STAC: variants seen among roughly 807,000 people sequenced by gnomAD.
STAC encodes the protein SH3 and cysteine rich domain, also known as SH3 and cysteine-rich domain-containing protein.
Under a neutral mutation model 48.8 loss-of-function variants are expected in STAC, and 43 were observed. That is an observed-to-expected ratio of 0.88 (90% CI 0.69 to 1.14). The LOEUF is 1.14. Ranked by LOEUF, STAC falls within the 50% of genes most tolerant of loss-of-function variation. STAC has a pLI of 0.00. For missense variants in STAC, 497 were observed against 504.0 expected, an observed-to-expected ratio of 0.99 and a Z score of 0.13; for synonymous variants, 193 against 179.5, an observed-to-expected ratio of 1.07 and a Z score of -0.60.
chr3:36,546,363 C>G lies in STAC; in HGVS notation c.*74C>G. On this transcript the variant is annotated 3_prime_UTR_variant, in exon 11 of 11. Transcript: ENST00000273183. ...TCTGCCTCATCTCACACTGCGTCAA[C>G]CCAAAGGAGCTGCCGCACTGACCCA... is the stretch of plus-strand genomic sequence containing the variant. The G allele has an allele frequency of 7.5e-7, 1 of 1,326,552 alleles. No individual in the cohort carries two copies. The highest frequency in any genetic ancestry group is 1.1e-6 in the Non-Finnish European group (1 of 920,350). The allele number at this position is 1,326,552 out of a possible 1,614,324, so 82.2% of individuals were successfully genotyped here.
rs375288106 is a variant in STAC, at chr3:36,517,475, C to A, written c.921-11221C>A. On this transcript the variant is annotated intron_variant, in intron 8 of 10. Transcript: ENST00000273183. ...AACCAGCCTGCGCAACATGGAAAGACACCATCTCCACAAAAATAGAAATAA... is the reference window on the plus strand; with the variant it reads ...AACCAGCCTGCGCAACATGGAAAGAAACCATCTCCACAAAAATAGAAATAA... Among the ~76,000 whole-genome samples the A allele has an allele frequency of 3.3e-5, 5 of 152,220 alleles. No individual in the cohort carries two copies. The South Asian group carries it at 1.0e-3, about 32-fold the overall frequency.
At position 36,505,853 on chromosome 3, in the gene STAC, G is replaced by A; in HGVS notation, c.920+19G>A. The A allele has an allele frequency of 2.0e-6, 3 of 1,523,428 alleles. No homozygotes were observed. Among genetic ancestry groups the A allele is most frequent in the African/African-American group, 1.4e-5 (1 of 71,378 alleles). 94.4% of individuals were successfully genotyped at this position (1,523,428 alleles called of 1,614,324 possible). A position where few individuals can be genotyped will look rare whatever the true frequency, so the allele number is the denominator to read the frequency against. Reference sequence around the variant, plus strand: ...AAATGAGGTAAAAACCTTCTGTAAAGAAAAAAAAGAGTAAAATTTTAAAGT... The same window carrying A: ...AAATGAGGTAAAAACCTTCTGTAAAAAAAAAAAAGAGTAAAATTTTAAAGT... On this transcript the variant is annotated intron_variant, in intron 8 of 10. Coordinates refer to ENST00000273183, the MANE Select transcript of STAC (RefSeq NM_003149.3).
intron 2 of STAC, among the ~76,000 whole-genome samples, chr3:36,460,165 C>T (rs1209866704): frequency 1.3e-5 from 2 of 152,006 alleles, no homozygotes; most frequent in Non-Finnish European, 2.9e-5. Context: ...ATCTCTGCCC[C>T]ATTCTTGCCC....
intron 7 of STAC, 48 bp from the exon 8 acceptor site, chr3:36,505,698 A>G: frequency 7.6e-7 from 1 of 1,316,784 alleles, no homozygotes; most frequent in South Asian, 1.3e-5. Context: ...TCCTCTCTCA[A>G]TTTATTTCAC....
At chr3:36,482,186 C>T (rs936317696) in intron 2 of STAC, among the ~76,000 whole-genome samples, 7 of 152,194 alleles carry the variant, frequency 4.6e-5, no homozygotes, top group Non-Finnish European at 1.5e-5. Flanking sequence ...CCCATTTTAA[C>T]ATCCGTCTTA....
At chr3:36,526,064 C>T (rs1698926551) in intron 8 of STAC, among the ~76,000 whole-genome samples, 1 of 152,132 alleles carries the variant, frequency 6.6e-6, no homozygotes, top group Admixed American at 6.6e-5. Flanking sequence ...TTGGGAATTT[C>T]CTCGCAGACT....
chr3:36,505,930 T>A, intron 8 of STAC, 96 bp downstream of exon 8: 1 of 747,370 alleles, frequency 1.3e-6, no homozygotes, highest in Non-Finnish European at 2.1e-6. Context: ...TCCTAATGCT[T>A]TATAGCTGTG....
chr3:36,449,219 T>C (rs866492231), intron 2 of STAC, among the ~76,000 whole-genome samples: 12 of 152,150 alleles, frequency 7.9e-5, no homozygotes, highest in African/African-American at 2.9e-4. Flanking sequence ...CTTTGGATAT[T>C]CACAGCACAC....
chr3:36,428,995 T>C lies in STAC; in HGVS notation c.112-14369T>C, dbSNP rs141656824. Among the ~76,000 whole-genome samples, 6 of 152,296 alleles carry C rather than the reference T, an allele frequency of 3.9e-5. No homozygotes were observed. The East Asian group carries it at 1.2e-3, about 29-fold the overall frequency. ...AGGGAGACCTTGAGGATGGCGGTTG[T>C]ACAGGTGAGACCAGATGTCAGATTG... is the stretch of plus-strand genomic sequence containing the variant. On this transcript the variant is annotated intron_variant, in intron 1 of 10. Transcript: ENST00000273183.
At chr3:36,401,442 G>A (rs1234728893) in intron 1 of STAC, among the ~76,000 whole-genome samples, 5 of 152,278 alleles carry the variant, frequency 3.3e-5, no homozygotes, top group Non-Finnish European at 7.4e-5. Flanking sequence ...TAAGGACCTC[G>A]ATAGAAAATA....
At chr3:36,391,353 A>G (rs923691999) in intron 1 of STAC, among the ~76,000 whole-genome samples, 4 of 152,160 alleles carry the variant, frequency 2.6e-5, no homozygotes, top group Non-Finnish European at 4.4e-5. Flanking sequence ...CTCATGCTTC[A>G]TAATCTCTCT....
intron 2 of STAC, among the ~76,000 whole-genome samples, chr3:36,482,461 CCT>C (rs1168643462): frequency 6.6e-6 from 1 of 152,186 alleles, no homozygotes; most frequent in Non-Finnish European, 1.5e-5. Context: ...GCATCTTCTT[CCT>C]CTTTCCCCAG....
chr3:36,443,338 G>C lies in STAC; in HGVS notation c.112-26G>C, dbSNP rs748495448. ...TCTGCTTGATCCATTGATCGTAAGA[G>C]AGACTGTTCTGTCATTGCATTGCAG... On this transcript the variant is annotated intron_variant, in intron 1 of 10. Coordinates refer to ENST00000273183, the MANE Select transcript of STAC (RefSeq NM_003149.3). This position sits in a 1 kb window ranked among gnomAD's most constrained non-coding sequence, Gnocchi z 4.2. 3 of 1,613,454 alleles carry C rather than the reference G, an allele frequency of 1.9e-6. No homozygotes were observed. The highest frequency in any genetic ancestry group is 1.1e-5 in the South Asian group (1 of 90,908).
At chr3:36,496,330 G>A (rs1428754937) in intron 6 of STAC, among the ~76,000 whole-genome samples, 2 of 152,154 alleles carry the variant, frequency 1.3e-5, no homozygotes, top group Non-Finnish European at 2.9e-5. Flanking sequence ...AAACCACATG[G>A]AGAAAACACC....
In STAC at chr3:36,380,584, G is replaced by C. The variant is rs536899080; in HGVS notation, c.-60G>C. Reference sequence around the variant, plus strand: ...CAGCCTGGCGCGCGGCGGGCAGGGCGCGCAGGACAGAAGCCTCGCTGTTCC... The same window carrying C: ...CAGCCTGGCGCGCGGCGGGCAGGGCCCGCAGGACAGAAGCCTCGCTGTTCC... On this transcript the variant is annotated 5_prime_UTR_variant, in exon 1 of 11. Coordinates refer to ENST00000273183, the MANE Select transcript of STAC (RefSeq NM_003149.3). 1,260 of 1,368,806 alleles carry C rather than the reference G, an allele frequency of 9.2e-4. 2 individuals carry two copies. Among genetic ancestry groups the C allele is most frequent in the Non-Finnish European group, 1.2e-3 (1,184 of 983,932 alleles). 84.8% of individuals were successfully genotyped at this position (1,368,806 alleles called of 1,614,324 possible).
chr3:36,479,255 C>A (rs1271495484), intron 2 of STAC, among the ~76,000 whole-genome samples: 1 of 152,086 alleles, frequency 6.6e-6, no homozygotes, highest in Non-Finnish European at 1.5e-5. Flanking sequence ...TTCTGGGTTG[C>A]AAATCTTTTT....
At chr3:36,448,754 A>G (rs944796857) in intron 2 of STAC, among the ~76,000 whole-genome samples, 14 of 152,060 alleles carry the variant, frequency 9.2e-5, no homozygotes, top group Non-Finnish European at 2.1e-4. Flanking sequence ...AGTTCAAAAC[A>G]CTAAAAAGAG....
intron 2 of STAC, among the ~76,000 whole-genome samples, chr3:36,463,960 A>AT (rs1463595093): frequency 3.3e-5 from 5 of 152,052 alleles, no homozygotes; most frequent in African/African-American, 1.2e-4. Flanking sequence ...GCTATTGTGA[A>AT]TAGTGCCACA....
At chr3:36,518,151 C>A (rs1365064666) in intron 8 of STAC, among the ~76,000 whole-genome samples, 1 of 152,174 alleles carries the variant, frequency 6.6e-6, no homozygotes, top group African/African-American at 2.4e-5. Flanking sequence ...CAATGACTTT[C>A]ATGACTTTGC....
Sources: allele counts gnomAD v4.1 joint callset (sites outside exome capture counted in the v4.1 genomes callset), GRCh38; gene constraint gnomAD v4.1.1; non-coding constraint Gnocchi (gnomAD v3.1); transcripts MANE v1.5; gene names NCBI Gene and HGNC (gene_info 2026-07-23, HGNC 2026-07-21).